PDE6G: variants seen among roughly 807,000 people sequenced by gnomAD.
The protein encoded by PDE6G is rod cGMP 3',5'-cyclic phosphodiesterase subunit gamma.
A neutral mutation model predicts 10.9 loss-of-function variants in PDE6G; 10 were observed. The ratio of observed to expected loss-of-function variants is 0.91; its 90% confidence interval spans 0.56 to 1.55. The LOEUF (loss-of-function observed/expected upper bound fraction) is 1.55. Ranked by LOEUF, PDE6G falls within the 40% of genes most tolerant of loss-of-function variation. PDE6G has a pLI of 0.00. For synonymous variants in PDE6G, 41 were observed against 42.8 expected (o/e 0.96, Z 0.16); for missense variants, 102 against 110.1 (o/e 0.93, Z 0.33).
intron 1 of PDE6G, among the ~76,000 whole-genome samples, 191 bp downstream of exon 1, chr17:81,656,302 G>A (rs941044108): frequency 1.1e-4 from 17 of 152,230 alleles, no homozygotes; most frequent in African/African-American, 4.1e-4. Context: ...CCATGGGGGA[G>A]CAGAGGAGGA....
chr17:81,657,824 T>C (rs1051328800), upstream of PDE6G, among the ~76,000 whole-genome samples: 3 of 151,810 alleles, frequency 2.0e-5, no homozygotes, highest in African/African-American at 7.3e-5. Flanking sequence ...GAGCTTGCAG[T>C]GAGCCGAGAT....
At chr17:81,654,494 C>T (rs1308386634) in intron 1 of PDE6G, among the ~76,000 whole-genome samples, 9 of 151,554 alleles carry the variant, frequency 5.9e-5, no homozygotes, top group African/African-American at 9.7e-5. Context: ...ATTCTCCTGC[C>T]TCAGCCTCCG....
rs532723307 is a variant in PDE6G at position 81,650,759 on chromosome 17, G to A, written c.*315C>T. The A allele has an allele frequency of 3.1e-5, 15 of 486,112 alleles. No homozygotes were observed. In the East Asian group the frequency reaches 4.7e-4, roughly 15 times the overall value. The allele number at this position is 486,112 out of a possible 1,614,324, so 30.1% of individuals were successfully genotyped here. A position where few individuals can be genotyped will look rare whatever the true frequency, so the allele number is the denominator to read the frequency against. ...ACGATCTGGGGTCCAGCAGGCTCCCGGGCTGGGGTCCACTTCCCGTTCTCC... is the reference window on the plus strand; with the variant it reads ...ACGATCTGGGGTCCAGCAGGCTCCCAGGCTGGGGTCCACTTCCCGTTCTCC... On this transcript the variant is annotated 3_prime_UTR_variant, in exon 4 of 4. Coordinates refer to ENST00000331056, the MANE Select transcript of PDE6G (RefSeq NM_002602.4).
intron 1 of PDE6G, among the ~76,000 whole-genome samples, chr17:81,654,984 C>G (rs2036424765): frequency 6.6e-6 from 1 of 151,624 alleles, no homozygotes; most frequent in African/African-American, 2.4e-5. Flanking sequence ...GTCTCGATCT[C>G]CTGACCTCGT....
Position 81,651,968 on chromosome 17 carries a change from C to CG in PDE6G, c.147-284dup, listed in dbSNP as rs368718418. Among the ~76,000 whole-genome samples the CG allele has an allele frequency of 5.3e-4, 80 of 152,160 alleles. 1 individual carries two copies. The East Asian group carries it at 0.012, about 22-fold the overall frequency. On this transcript the variant is annotated intron_variant, in intron 2 of 3. Coordinates refer to ENST00000331056, the MANE Select transcript of PDE6G (RefSeq NM_002602.4). This position sits in a 1 kb window ranked among gnomAD's most constrained non-coding sequence, Gnocchi z 4.8. Reference sequence around the variant, plus strand: ...GGCAGGTGCGTGCCCTGGGGGAGTACGGGGGGGTGCGTGGTTGGTGCATGG... The same window carrying CG: ...GGCAGGTGCGTGCCCTGGGGGAGTACGGGGGGGGTGCGTGGTTGGTGCATGG...
intron 1 of PDE6G, among the ~76,000 whole-genome samples, chr17:81,662,073 C>T (rs1265009972): frequency 6.6e-6 from 1 of 151,850 alleles, no homozygotes; most frequent in Non-Finnish European, 1.5e-5. Context: ...CCTGGAAGCC[C>T]CCTCCCTTCA....
chr17:81,658,492 T>G (rs956699690), upstream of PDE6G, among the ~76,000 whole-genome samples: 10 of 151,688 alleles, frequency 6.6e-5, no homozygotes, highest in African/African-American at 2.4e-4. Flanking sequence ...CACTCCAGCC[T>G]GGGGGACAGA....
chr17:81,653,313 C>G lies in PDE6G; in HGVS notation c.-8G>C. The G allele has an allele frequency of 6.2e-7, 1 of 1,611,152 alleles. No individual in the cohort carries two copies. Among genetic ancestry groups the G allele is most frequent in the South Asian group, 1.1e-5 (1 of 91,054 alleles). On this transcript the variant is annotated 5_prime_UTR_variant, in exon 2 of 4. Transcript: ENST00000331056. This position sits in a 1 kb window ranked among gnomAD's most constrained non-coding sequence, Gnocchi z 5.2. ...GGGCGGTTCCAGGTTCATGGTGAGG[C>G]TGACGGAGACACCGCGGCAACCTTG...
At chr17:81,656,347 G>A (rs1381684960) in intron 1 of PDE6G, 146 bp downstream of exon 1, 4 of 638,302 alleles carry the variant, frequency 6.3e-6, no homozygotes. Flanking sequence ...TAACAGGGTG[G>A]CGGGTAGGCA....
upstream of PDE6G, among the ~76,000 whole-genome samples, chr17:81,657,245 C>T (rs1324904073): frequency 6.6e-6 from 1 of 152,208 alleles, no homozygotes; most frequent in East Asian, 1.9e-4. Context: ...ACCAAAGGGG[C>T]GTGCTGGCAC....
Position 81,653,736 on chromosome 17 carries a change from C to T in PDE6G, c.-59-372G>A, listed in dbSNP as rs944452481. On this transcript the variant is annotated intron_variant, in intron 1 of 3. Transcript: ENST00000331056. The surrounding 1 kb of genome is among the most constrained non-coding windows in gnomAD (Gnocchi z 5.2). ...GTGGGTGACCACTGACAACTTCCTG[C>T]CCCTTCCCCTGCGTTCCCCACCCCA... is the stretch of plus-strand genomic sequence containing the variant. The T allele has an allele frequency of 2.0e-5, 4 of 198,156 alleles. No homozygotes were observed. Among genetic ancestry groups the T allele is most frequent in the Admixed American group, 5.3e-5 (1 of 18,708 alleles). The allele number at this position is 198,156 out of a possible 1,614,324, so 12.3% of individuals were successfully genotyped here. A position where few individuals can be genotyped will look rare whatever the true frequency, so the allele number is the denominator to read the frequency against.
chr17:81,650,603 TAAGGGCACCCCCCTGGG>T lies in PDE6G; in HGVS notation c.*454_*470del, dbSNP rs2036332710. 1 of 454,382 alleles carries T rather than the reference TAAGGGCACCCCCCTGGG, an allele frequency of 2.2e-6. No homozygotes were observed. Among genetic ancestry groups the T allele is most frequent in the Non-Finnish European group, 4.4e-6 (1 of 226,998 alleles). 28.1% of individuals were successfully genotyped at this position (454,382 alleles called of 1,614,324 possible). ...GTCCTGCTACCCAGCATGTCCAAAC[TAAGGGCACCCCCCTGGG>T]AAGGGATGCAGAGACGGGGAGCTTC... On this transcript the variant is annotated 3_prime_UTR_variant, in exon 4 of 4. Coordinates refer to ENST00000331056, the MANE Select transcript of PDE6G (RefSeq NM_002602.4).
chr17:81,654,005 G>T (rs1002526663), intron 1 of PDE6G, among the ~76,000 whole-genome samples: 1 of 152,144 alleles, frequency 6.6e-6, no homozygotes, highest in African/African-American at 2.4e-5. Flanking sequence ...TTTTAGTAGA[G>T]ACGGGGTTTC....
At position 81,653,116 on chromosome 17, in the gene PDE6G, C is replaced by G; in HGVS notation, c.146+44G>C. 6.2e-7 allele frequency: 1 copy of G among 1,609,204 alleles called. No homozygotes were observed. Among genetic ancestry groups the G allele is most frequent in the Non-Finnish European group, 8.5e-7 (1 of 1,176,070 alleles). ...CTCCCCTTCCTGTGCAGCCTCAGGA[C>G]CGCCTCCTCCCTTTCAGAGGCCCCA... On this transcript the variant is annotated intron_variant, in intron 2 of 3. Transcript: ENST00000331056. The surrounding 1 kb of genome is among the most constrained non-coding windows in gnomAD (Gnocchi z 5.2).
Position 81,650,929 on chromosome 17 carries a change from TAGGGGGAGACCTG to T in PDE6G, c.*132_*144del, listed in dbSNP as rs779478211. ...GCTCCTGGTGACTGGTATTAATATG[TAGGGGGAGACCTG>T]AGGTTGCAGTCCCATCCTGGTGTCC... On this transcript the variant is annotated 3_prime_UTR_variant, in exon 4 of 4. Transcript: ENST00000331056. The T allele has an allele frequency of 1.4e-6, 1 of 711,976 alleles. No homozygotes were observed. Among genetic ancestry groups the T allele is most frequent in the Non-Finnish European group, 2.6e-6 (1 of 385,446 alleles). The allele number at this position is 711,976 out of a possible 1,614,324, so 44.1% of individuals were successfully genotyped here. A position where few individuals can be genotyped will look rare whatever the true frequency, so the allele number is the denominator to read the frequency against.
exon 1 of PDE6G, chr17:81,663,109 A>G (rs964416993): frequency 6.6e-6 from 1 of 152,214 alleles, no homozygotes; most frequent in Admixed American, 6.6e-5. Context: ...CCCAGCAGAG[A>G]GGAATTCATT....
intron 1 of PDE6G, among the ~76,000 whole-genome samples, chr17:81,662,639 A>G (rs1160927263): frequency 6.6e-6 from 1 of 151,804 alleles, no homozygotes; most frequent in Non-Finnish European, 1.5e-5. Flanking sequence ...ATCAGTAAGT[A>G]GATTCATTGA....
upstream of PDE6G, among the ~76,000 whole-genome samples, chr17:81,660,817 C>A (rs1240994993): frequency 6.6e-6 from 1 of 152,150 alleles, no homozygotes; most frequent in Non-Finnish European, 1.5e-5. Context: ...TTTGCCATGG[C>A]TTTTCTTGTG....
At chr17:81,656,976 A>AG, upstream of PDE6G, 2 of 270,564 alleles carry the variant, frequency 7.4e-6, no homozygotes. Flanking sequence ...AAACCAAACA[A>AG]GGACCCCCCC....
Sources: allele counts gnomAD v4.1 joint callset (sites outside exome capture counted in the v4.1 genomes callset), GRCh38; gene constraint gnomAD v4.1.1; non-coding constraint Gnocchi (gnomAD v3.1); transcripts MANE v1.5; gene names NCBI Gene and HGNC (gene_info 2026-07-23, HGNC 2026-07-21).